CDH13: variants seen among roughly 807,000 people sequenced by gnomAD.
CDH13 encodes cadherin-13.
Under a neutral mutation model 63.8 loss-of-function variants are expected in CDH13, and 24 were observed. The ratio of observed to expected loss-of-function variants is 0.38; its 90% CI spans 0.27 to 0.53. The LOEUF is 0.53. Among genes scored for constraint, CDH13 ranks in the 20% least tolerant of loss-of-function variants. CDH13 has a pLI of 0.85. For synonymous variants in CDH13, 503 were observed against 355.3 expected (o/e 1.42, Z -4.67); for missense variants, 1,049 against 903.1 (o/e 1.16, Z -2.07).
intron 6 of CDH13, among the ~76,000 whole-genome samples, chr16:83,413,347 C>T (rs940967446): frequency 1.3e-5 from 2 of 152,140 alleles, no homozygotes; most frequent in African/African-American, 4.8e-5. Flanking sequence ...GTGATCATTG[C>T]CTCAGGCTGT....
At chr16:83,770,321 G>T (rs960472221) in intron 11 of CDH13, among the ~76,000 whole-genome samples, 1 of 152,170 alleles carries the variant, frequency 6.6e-6, no homozygotes. Context: ...TGGCTCTTAT[G>T]GACGGGGAAG....
chr16:83,603,430 C>G (rs1340847895), intron 8 of CDH13, among the ~76,000 whole-genome samples: 3 of 152,148 alleles, frequency 2.0e-5, no homozygotes, highest in Non-Finnish European at 4.4e-5. Context: ...CCTGGCTTTA[C>G]CATTTTACAA....
In CDH13 at chr16:83,216,435, T is replaced by TAA. The variant is rs1203135689; in HGVS notation, c.484-909_484-908insAA. The stretch of plus-strand genomic sequence containing the variant: ...ATATATATATATATATATATATATA[T>TAA]ATATATATACACAACCCTAATTTGA... On this transcript the variant is annotated intron_variant, in intron 4 of 13. Transcript: ENST00000567109. Among the ~76,000 whole-genome samples, 286 of 110,064 alleles carry TAA rather than the reference T, an allele frequency of 2.6e-3. 22 individuals carry two copies. The highest frequency in any genetic ancestry group is 9.3e-3 in the Middle Eastern group (2 of 216). 72.2% of individuals were successfully genotyped at this position (110,064 alleles called of 152,430 possible). A position where few individuals can be genotyped will look rare whatever the true frequency, so the allele number is the denominator to read the frequency against.
intron 7 of CDH13, among the ~76,000 whole-genome samples, chr16:83,595,743 A>C (rs1907192337): frequency 6.6e-6 from 1 of 152,212 alleles, no homozygotes. Context: ...ATTTGACTGC[A>C]AGGACGCCTG....
intron 6 of CDH13, among the ~76,000 whole-genome samples, chr16:83,358,159 T>C (rs975900504): frequency 4.6e-5 from 7 of 152,190 alleles, no homozygotes; most frequent in Admixed American, 4.6e-4. Flanking sequence ...AAGACTGTAT[T>C]GCTCAGCCTC....
chr16:83,067,775 T>A (rs1024643191), intron 3 of CDH13, among the ~76,000 whole-genome samples: 2 of 152,094 alleles, frequency 1.3e-5, no homozygotes, highest in African/African-American at 2.4e-5. Flanking sequence ...AGAGTAGTAA[T>A]CTCTCTTGGT....
intron 1 of CDH13, among the ~76,000 whole-genome samples, chr16:82,685,503 C>A (rs1269295305): frequency 6.6e-6 from 1 of 152,148 alleles, no homozygotes; most frequent in Non-Finnish European, 1.5e-5. Context: ...AAATCTTTAG[C>A]CTGTAGCAAA....
chr16:83,367,728 C>G (rs1170969077), intron 6 of CDH13, among the ~76,000 whole-genome samples: 1 of 152,134 alleles, frequency 6.6e-6, no homozygotes, highest in East Asian at 1.9e-4. Context: ...GATCTGATTT[C>G]CTTTTTCAAG....
intron 6 of CDH13, among the ~76,000 whole-genome samples, chr16:83,485,234 T>C (rs2073859583): frequency 6.6e-6 from 1 of 152,202 alleles, no homozygotes; most frequent in Non-Finnish European, 1.5e-5. Context: ...ACAGATCCCT[T>C]GCGGACACGT....
rs8057419 is a variant in CDH13, at chr16:83,396,296, C to T, written c.781+51290C>T. ...AATGGGGGTAATCCATTCTCTACCT[C>T]GTAGGATTGTTCAGAGTATGATAAA... On this transcript the variant is annotated intron_variant, in intron 6 of 13. Transcript: ENST00000567109. Among the ~76,000 whole-genome samples the T allele has an allele frequency of 1.6e-4, 24 of 152,254 alleles. 1 individual carries two copies. In the South Asian group the frequency reaches 5.0e-3, roughly 32 times the overall value.
intron 6 of CDH13, among the ~76,000 whole-genome samples, chr16:83,432,473 G>C (rs1016261309): frequency 6.6e-6 from 1 of 152,158 alleles, no homozygotes; most frequent in East Asian, 1.9e-4. Flanking sequence ...CTACTTCCAC[G>C]CTTGAGATGT....
intron 5 of CDH13, among the ~76,000 whole-genome samples, chr16:83,230,149 T>A (rs1049091622): frequency 7.9e-5 from 12 of 152,184 alleles, no homozygotes; most frequent in African/African-American, 2.9e-4. Flanking sequence ...CAATTAGTCG[T>A]GAATGCATTT....
chr16:83,096,988 A>G (rs2034236206), intron 3 of CDH13, among the ~76,000 whole-genome samples: 1 of 152,116 alleles, frequency 6.6e-6, no homozygotes, highest in African/African-American at 2.4e-5. Context: ...CTGTCCTTTG[A>G]ATAATGTCAA....
intron 1 of CDH13, among the ~76,000 whole-genome samples, chr16:82,712,664 C>T (rs949331788): frequency 2.6e-5 from 4 of 152,166 alleles, no homozygotes; most frequent in Non-Finnish European, 4.4e-5. Flanking sequence ...AATTCCCCTG[C>T]CCCTTTTGTT....
At chr16:83,035,777 A>T (rs927722313) in intron 3 of CDH13, among the ~76,000 whole-genome samples, 1 of 152,064 alleles carries the variant, frequency 6.6e-6, no homozygotes, top group Non-Finnish European at 1.5e-5. Flanking sequence ...CTGAGCCTCT[A>T]TGTAGTTTTG....
At chr16:82,703,488 T>A (rs1056794671) in intron 1 of CDH13, among the ~76,000 whole-genome samples, 3 of 152,154 alleles carry the variant, frequency 2.0e-5, no homozygotes, top group Admixed American at 2.0e-4. Context: ...CCTTTGGAGA[T>A]GTATTTGACA....
At position 83,211,273 on chromosome 16, in the gene CDH13, G is replaced by A. The variant is rs74915632; in HGVS notation, c.484-6072G>A. Among the ~76,000 whole-genome samples the A allele has an allele frequency of 9.6e-4, 146 of 152,212 alleles. 3 individuals are homozygous for A. The East Asian group carries it at 0.025, about 26-fold the overall frequency. On this transcript the variant is annotated intron_variant, in intron 4 of 13. Transcript: ENST00000567109. ...TGACCAATGTTCCATTTTTACGTAAGATGTCAACATTAGGGGAAATTGGAT... is the reference window on the plus strand; with the variant it reads ...TGACCAATGTTCCATTTTTACGTAAAATGTCAACATTAGGGGAAATTGGAT...
At chr16:83,128,297 C>T (rs568167632) in intron 4 of CDH13, among the ~76,000 whole-genome samples, 1 of 152,256 alleles carries the variant, frequency 6.6e-6, no homozygotes, top group South Asian at 2.1e-4. Context: ...TGGTTGTGGA[C>T]CAGCTACATT....
At chr16:83,316,402 A>T (rs775677362) in intron 5 of CDH13, among the ~76,000 whole-genome samples, 1 of 152,206 alleles carries the variant, frequency 6.6e-6, no homozygotes, top group Non-Finnish European at 1.5e-5. Context: ...ACGAGCCTGG[A>T]TTTCCAGCAT....
Sources: gnomAD v4.1 joint callset for allele counts (sites outside exome capture counted in the v4.1 genomes callset) on GRCh38, gnomAD v4.1.1 for gene constraint, MANE v1.5 for transcripts, NCBI Gene and HGNC (gene_info 2026-07-23, HGNC 2026-07-21) for gene names.